ZNRF2: variants seen among roughly 807,000 people sequenced by gnomAD.
ZNRF2 encodes the protein zinc and ring finger 2.
A neutral mutation model predicts 20.4 loss-of-function variants in ZNRF2; 16 were observed. The ratio of observed to expected loss-of-function variants is 0.79; its 90% CI spans 0.53 to 1.19. The LOEUF (loss-of-function observed/expected upper bound fraction) is 1.19. Ranked by LOEUF, ZNRF2 falls within the 50% of genes most tolerant of loss-of-function variation. The pLI is 0.00. For missense variants in ZNRF2, 363 were observed against 332.4 expected (o/e 1.09, Z -0.72); for synonymous variants, 178 against 144.9 (o/e 1.23, Z -1.64).
chr7:30,332,884 A>G (rs978435941), intron 2 of ZNRF2, among the ~76,000 whole-genome samples: 12 of 152,076 alleles, frequency 7.9e-5, no homozygotes, highest in African/African-American at 2.9e-4. Context: ...TCCTTTGGGT[A>G]GATACCCAAT....
intron 2 of ZNRF2, among the ~76,000 whole-genome samples, chr7:30,325,992 T>A (rs1346053756): frequency 6.6e-6 from 1 of 152,196 alleles, no homozygotes; most frequent in Non-Finnish European, 1.5e-5. Context: ...TCCATAAATC[T>A]TAAAGCTTCT....
At chr7:30,315,998 G>A (rs371574135) in intron 1 of ZNRF2, among the ~76,000 whole-genome samples, 1 of 151,904 alleles carries the variant, frequency 6.6e-6, no homozygotes, top group East Asian at 1.9e-4. Context: ...TAAAGTAAAA[G>A]AATTGTCAGA....
chr7:30,341,977 C>T (rs750294904), intron 2 of ZNRF2, among the ~76,000 whole-genome samples: 19 of 151,614 alleles, frequency 1.3e-4, no homozygotes, highest in South Asian at 2.1e-4. Context: ...TTATGTAATG[C>T]GCTTCTTTGT....
intron 2 of ZNRF2, among the ~76,000 whole-genome samples, chr7:30,344,555 T>C (rs1406559486): frequency 6.6e-6 from 1 of 152,164 alleles, no homozygotes; most frequent in Non-Finnish European, 1.5e-5. Flanking sequence ...CACCTAGTTA[T>C]TTATATCATC....
intron 3 of ZNRF2, among the ~76,000 whole-genome samples, chr7:30,362,011 T>G (rs1300847131): frequency 1.3e-5 from 2 of 152,186 alleles, no homozygotes; most frequent in Admixed American, 1.3e-4. Context: ...TTAATACATT[T>G]ATAGGTGACA....
chr7:30,310,716 C>T (rs896814423), intron 1 of ZNRF2, among the ~76,000 whole-genome samples: 1 of 152,136 alleles, frequency 6.6e-6, no homozygotes, highest in Non-Finnish European at 1.5e-5. Context: ...GGTAAACGCA[C>T]CTGATAGCCA....
chr7:30,327,058 A>G (rs1209269661), intron 2 of ZNRF2, among the ~76,000 whole-genome samples: 1 of 152,132 alleles, frequency 6.6e-6, no homozygotes, highest in African/African-American at 2.4e-5. Context: ...TTCGTTTGCA[A>G]AAATTTTCTC....
intron 2 of ZNRF2, among the ~76,000 whole-genome samples, chr7:30,353,724 CAT>C (rs1799992649): frequency 6.6e-6 from 1 of 151,904 alleles, no homozygotes; most frequent in Non-Finnish European, 1.5e-5. Flanking sequence ...GATGTTGCAT[CAT>C]AGTTTGGTGG....
At chr7:30,359,634 G>T (rs1050813468) in intron 3 of ZNRF2, among the ~76,000 whole-genome samples, 5 of 152,120 alleles carry the variant, frequency 3.3e-5, no homozygotes, top group Non-Finnish European at 7.4e-5. Context: ...ATTAGACCAT[G>T]GGCTTTGCTG....
chr7:30,300,510 T>G (rs529447387), intron 1 of ZNRF2, among the ~76,000 whole-genome samples: 1 of 152,118 alleles, frequency 6.6e-6, no homozygotes, highest in Admixed American at 6.5e-5. Flanking sequence ...TTAGCTCTAA[T>G]AAAAGATAGA....
At chr7:30,344,081 C>T (rs1237729457) in intron 2 of ZNRF2, among the ~76,000 whole-genome samples, 2 of 151,576 alleles carry the variant, frequency 1.3e-5, no homozygotes, top group African/African-American at 2.4e-5. Flanking sequence ...CATCATACAC[C>T]CAGCTAATTT....
At chr7:30,359,347 T>C (rs1800089162) in intron 3 of ZNRF2, among the ~76,000 whole-genome samples, 1 of 152,194 alleles carries the variant, frequency 6.6e-6, no homozygotes, top group African/African-American at 2.4e-5. Flanking sequence ...AACTAGACTT[T>C]ATACTAGGAT....
In ZNRF2 at chr7:30,366,491, A is replaced by G. The variant is rs1438256139; in HGVS notation, c.*479A>G. On this transcript the variant is annotated 3_prime_UTR_variant, in exon 5 of 5. Transcript: ENST00000323037. ...CATTCATCTGTTCTTAAATTGAAAA[A>G]CATATAATTTACTTCTTATAAATTG... is the stretch of plus-strand genomic sequence containing the variant. 2 of 152,558 alleles carry G rather than the reference A, an allele frequency of 1.3e-5. No individual in the cohort carries two copies. The highest frequency in any genetic ancestry group is 2.4e-5 in the African/African-American group (1 of 41,436). The allele number at this position is 152,558 out of a possible 1,614,324, so 9.5% of individuals were successfully genotyped here. A position where few individuals can be genotyped will look rare whatever the true frequency, so the allele number is the denominator to read the frequency against.
Position 30,285,331 on chromosome 7 carries a change from G to A in ZNRF2, c.-27G>A. On this transcript the variant is annotated 5_prime_UTR_variant, in exon 1 of 5. Coordinates refer to ENST00000323037, the MANE Select transcript of ZNRF2 (RefSeq NM_147128.4). ...CCTCCCGGCTCTCGGGGCGCAGCGC[G>A]CGGGCCCGGCCCGGGGCAGGGCGGA... The A allele has an allele frequency of 9.2e-7, 1 of 1,085,856 alleles. No homozygotes were observed. Among genetic ancestry groups the A allele is most frequent in the Non-Finnish European group, 1.1e-6 (1 of 898,684 alleles). 67.3% of individuals were successfully genotyped at this position (1,085,856 alleles called of 1,614,324 possible).
chr7:30,315,742 T>C (rs567179565), intron 1 of ZNRF2, among the ~76,000 whole-genome samples: 1 of 32,630 alleles, frequency 3.1e-5, no homozygotes, highest in African/African-American at 8.0e-5. Context: ...GGGGGGGGGT[T>C]GGGTATAAAG....
At chr7:30,303,296 T>C (rs1799148531) in intron 1 of ZNRF2, among the ~76,000 whole-genome samples, 1 of 151,514 alleles carries the variant, frequency 6.6e-6, no homozygotes, top group African/African-American at 2.4e-5. Context: ...AAAAGAAAAC[T>C]AGTTAACTCA....
chr7:30,350,135 A>G (rs765155134), intron 2 of ZNRF2, among the ~76,000 whole-genome samples: 1 of 152,012 alleles, frequency 6.6e-6, no homozygotes, highest in Admixed American at 6.6e-5. Context: ...GGCCCAAGAA[A>G]GCTATGTCTA....
rs182530697 is a variant in ZNRF2 at position 30,294,580 on chromosome 7, C to T, written c.469+8754C>T. Among the ~76,000 whole-genome samples, 1,203 of 152,068 alleles carry T rather than the reference C, an allele frequency of 7.9e-3. 7 individuals carry two copies. Among genetic ancestry groups the T allele is most frequent in the Non-Finnish European group, 0.011 (754 of 67,992 alleles). On this transcript the variant is annotated intron_variant, in intron 1 of 4. Coordinates refer to ENST00000323037, the MANE Select transcript of ZNRF2 (RefSeq NM_147128.4). ...GGTGGATCATCTGAGGTCAGGAGTT[C>T]GAGACCAGCCTGGACAACATGGTGA... is the stretch of plus-strand genomic sequence containing the variant.
At chr7:30,292,021 A>G (rs1352457494) in intron 1 of ZNRF2, among the ~76,000 whole-genome samples, 2 of 152,204 alleles carry the variant, frequency 1.3e-5, no homozygotes, top group Admixed American at 1.3e-4. Flanking sequence ...AAAATCGCAA[A>G]TTGCTTGTAA....
Sources: allele counts gnomAD v4.1 joint callset (sites outside exome capture counted in the v4.1 genomes callset), GRCh38; gene constraint gnomAD v4.1.1; transcripts MANE v1.5; gene names NCBI Gene and HGNC (gene_info 2026-07-23, HGNC 2026-07-21).